Variants in MLEC observed in about 807,000 individuals in gnomAD.
The protein encoded by MLEC is malectin.
A neutral mutation model predicts 28.7 loss-of-function variants in MLEC; 7 were observed. The observed-to-expected ratio is 0.24, with a 90% CI of 0.14 to 0.46. The LOEUF (loss-of-function observed/expected upper bound fraction) is 0.46. Ranked by LOEUF, MLEC falls within the 20% of genes least tolerant of loss-of-function variation. The pLI, the probability that MLEC is intolerant of heterozygous loss-of-function variation, is 0.99. For missense variants in MLEC, 237 were observed against 391.1 expected (o/e 0.61, Z 3.32); for synonymous variants, 142 against 164.4 (o/e 0.86, Z 1.04).
intron 1 of MLEC, among the ~76,000 whole-genome samples, chr12:120,692,155 C>T (rs552452410): frequency 2.0e-5 from 3 of 152,062 alleles, no homozygotes; most frequent in South Asian, 2.1e-4. Flanking sequence ...AGCGAAACTC[C>T]GTCTCCAAAA....
At position 120,694,618 on chromosome 12, in the gene MLEC, A is replaced by G. The variant is rs1380765024; in HGVS notation, c.415-206A>G. On this transcript the variant is annotated intron_variant, in intron 2 of 4. Coordinates refer to ENST00000228506, the MANE Select transcript of MLEC (RefSeq NM_014730.4). The surrounding 1 kb of genome is among the most constrained non-coding windows in gnomAD (Gnocchi z 4.5). ...TTTTTGTTTGTATTCTTTGTTCCTT[A>G]AAGCCAATATAAGAACTCCTGGGCA... is the stretch of plus-strand genomic sequence containing the variant. Among the ~76,000 whole-genome samples, 2 of 152,046 alleles carry G rather than the reference A, an allele frequency of 1.3e-5. No homozygotes were observed. Among genetic ancestry groups the G allele is most frequent in the Non-Finnish European group, 2.9e-5 (2 of 67,996 alleles).
chr12:120,693,079 A>G (rs1013822598), intron 1 of MLEC, among the ~76,000 whole-genome samples: 1 of 152,240 alleles, frequency 6.6e-6, no homozygotes, highest in Non-Finnish European at 1.5e-5. Context: ...CAAGGTTGGG[A>G]GAGGGCCAGG....
Position 120,696,559 on chromosome 12 carries a change from T to C in MLEC, c.*14T>C, listed in dbSNP as rs374089930. The C allele has an allele frequency of 4.2e-4, 677 of 1,614,116 alleles. 8 individuals are homozygous for C. The South Asian group carries it at 6.9e-3, about 17-fold the overall frequency. On this transcript the variant is annotated 3_prime_UTR_variant, in exon 5 of 5. Coordinates refer to ENST00000228506, the MANE Select transcript of MLEC (RefSeq NM_014730.4). The surrounding 1 kb of genome is among the most constrained non-coding windows in gnomAD (Gnocchi z 5.4). ...TGCCGGTTGTGAGAACAAATGACTA[T>C]CCTGAACAGGGTGGAGGGGTGTGGG...
chr12:120,695,059 G>A (rs753476705), intron 3 of MLEC, 36 bp from the exon 4 acceptor site: 2 of 1,614,132 alleles, frequency 1.2e-6, no homozygotes, highest in Non-Finnish European at 1.7e-6. Flanking sequence ...GTTGTTTGCT[G>A]CTGTGTGGGG....
chr12:120,695,256 G>A lies in MLEC; in HGVS notation c.649+104G>A, dbSNP rs578127340. ...GATGACTATTTTGGAAACACTTAAA[G>A]CTAAATTGTAGGGGATTCAGAATCA... On this transcript the variant is annotated intron_variant, in intron 4 of 4. Coordinates refer to ENST00000228506, the MANE Select transcript of MLEC (RefSeq NM_014730.4). 14 of 1,254,468 alleles carry A rather than the reference G, an allele frequency of 1.1e-5. No individual in the cohort carries two copies. The African/African-American group carries it at 1.8e-4, about 16-fold the overall frequency. The allele number at this position is 1,254,468 out of a possible 1,614,324, so 77.7% of individuals were successfully genotyped here.
At position 120,699,683 on chromosome 12, in the gene MLEC, T is replaced by C. The variant is rs1219705031; in HGVS notation, c.*3138T>C. 1 of 152,382 alleles carries C rather than the reference T, an allele frequency of 6.6e-6. No individual in the cohort carries two copies. Among genetic ancestry groups the C allele is most frequent in the East Asian group, 1.9e-4 (1 of 5,188 alleles). The allele number at this position is 152,382 out of a possible 1,614,324, so 9.4% of individuals were successfully genotyped here. A position where few individuals can be genotyped will look rare whatever the true frequency, so the allele number is the denominator to read the frequency against. ...CCCCGAGTTCTCATGACTGGGAAGA[T>C]AGTTTTCTTCAGGTGTCAATGGCGT... On this transcript the variant is annotated 3_prime_UTR_variant, in exon 5 of 5. Coordinates refer to ENST00000228506, the MANE Select transcript of MLEC (RefSeq NM_014730.4).
Position 120,696,184 on chromosome 12 carries a change from G to C in MLEC, c.650-132G>C, listed in dbSNP as rs1463347671. The C allele has an allele frequency of 8.9e-7, 1 of 1,123,898 alleles. No individual in the cohort carries two copies. The highest frequency in any genetic ancestry group is 1.6e-5 in the African/African-American group (1 of 64,202). The allele number at this position is 1,123,898 out of a possible 1,614,324, so 69.6% of individuals were successfully genotyped here. ...GTTCTGTAGACCAGAGGCTATTTCT[G>C]CTACTTCTGGTCTTTTCTCTGGACC... On this transcript the variant is annotated intron_variant, in intron 4 of 4. Coordinates refer to ENST00000228506, the MANE Select transcript of MLEC (RefSeq NM_014730.4). The surrounding 1 kb of genome is among the most constrained non-coding windows in gnomAD (Gnocchi z 5.4).
chr12:120,694,101 T>C lies in MLEC; in HGVS notation c.246T>C (p.Tyr82=), dbSNP rs752996330. 12 of 1,613,770 alleles carry C rather than the reference T, an allele frequency of 7.4e-6. No individual in the cohort carries two copies. The South Asian group carries it at 1.3e-4, about 18-fold the overall frequency. ...LEGRVGRASD[Y]GMKLPILRSN... ...GTCTTTTGTCCTCAGCCTCAGACTA[T>C]GGCATGAAACTGCCAATCCTGCGTT... Residue 82 remains tyrosine, a synonymous_variant, in exon 2 of 5, where the codon TAT becomes TAC. Coordinates refer to ENST00000228506, the MANE Select transcript of MLEC (RefSeq NM_014730.4). The surrounding 1 kb of genome is among the most constrained non-coding windows in gnomAD (Gnocchi z 4.5).
chr12:120,695,233 T>C, intron 4 of MLEC, 81 bp downstream of exon 4: 9 of 1,496,982 alleles, frequency 6.0e-6, no homozygotes, highest in Non-Finnish European at 8.4e-6. Context: ...ATTGAGCTGA[T>C]GACTATTTTG....
At chr12:120,690,456 G>T (rs1005791440) in intron 1 of MLEC, among the ~76,000 whole-genome samples, 1 of 152,214 alleles carries the variant, frequency 6.6e-6, no homozygotes, top group Non-Finnish European at 1.5e-5. Context: ...TGCTAAAGTC[G>T]CAGGTCCTCG....
At chr12:120,689,544 A>G (rs10431384) in intron 1 of MLEC, among the ~76,000 whole-genome samples, 51,592 of 152,048 alleles carry the variant, frequency 0.34, 8,960 homozygotes, top group Middle Eastern at 0.41. Context: ...CATTGCGCTT[A>G]CCAGGTTCCT....
At chr12:120,690,751 T>G (rs1241240706) in intron 1 of MLEC, among the ~76,000 whole-genome samples, 1 of 152,150 alleles carries the variant, frequency 6.6e-6, no homozygotes, top group Non-Finnish European at 1.5e-5. Flanking sequence ...GGGGAAGGAT[T>G]TGGCTTTGGG....
chr12:120,691,009 A>G (rs1882016367), intron 1 of MLEC, among the ~76,000 whole-genome samples: 1 of 152,232 alleles, frequency 6.6e-6, no homozygotes, highest in Admixed American at 6.5e-5. Flanking sequence ...GAAGTGATCC[A>G]GAAGAACAGT....
Position 120,695,167 on chromosome 12 carries a change from G to C in MLEC, c.649+15G>C. 1 of 1,614,130 alleles carries C rather than the reference G, an allele frequency of 6.2e-7. No individual in the cohort carries two copies. The highest frequency in any genetic ancestry group is 1.1e-5 in the South Asian group (1 of 91,070). ...GACAGTGGATGGTAGGTTGTGTTCT[G>C]ACCTGCTTTTTTGACTTGAGTGGAG... On this transcript the variant is annotated intron_variant, in intron 4 of 4. Transcript: ENST00000228506.
chr12:120,693,016 T>A (rs1346007049), intron 1 of MLEC, among the ~76,000 whole-genome samples: 2 of 151,472 alleles, frequency 1.3e-5, no homozygotes, highest in African/African-American at 4.9e-5. Flanking sequence ...CGGTCAGGAG[T>A]TTAGTGTGTT....
At chr12:120,695,332 A>T (rs1566014355) in intron 4 of MLEC, among the ~76,000 whole-genome samples, 180 bp downstream of exon 4, 3 of 152,246 alleles carry the variant, frequency 2.0e-5, no homozygotes, top group Admixed American at 6.5e-5. Flanking sequence ...CTTTGGAGTC[A>T]GGTCTATGTA....
intron 1 of MLEC, among the ~76,000 whole-genome samples, chr12:120,693,590 G>T (rs890251432): frequency 6.6e-6 from 1 of 152,242 alleles, no homozygotes; most frequent in Non-Finnish European, 1.5e-5. Flanking sequence ...GGACAATGAA[G>T]AATGACTTTC....
Position 120,700,494 on chromosome 12 carries a change from T to C in MLEC, c.*3949T>C, listed in dbSNP as rs1468095945. On this transcript the variant is annotated 3_prime_UTR_variant, in exon 5 of 5. Transcript: ENST00000228506. The surrounding 1 kb of genome is among the most constrained non-coding windows in gnomAD (Gnocchi z 4.0). Reference sequence around the variant, plus strand: ...GATGGGTATGCTTTGGGCTTTCTCCTTCTGTGGCCCCGGAGGAAGGAGAGA... The same window carrying C: ...GATGGGTATGCTTTGGGCTTTCTCCCTCTGTGGCCCCGGAGGAAGGAGAGA... The C allele has an allele frequency of 6.6e-6, 1 of 152,262 alleles. No individual in the cohort carries two copies. Among genetic ancestry groups the C allele is most frequent in the African/African-American group, 2.4e-5 (1 of 41,424 alleles). 9.4% of individuals were successfully genotyped at this position (152,262 alleles called of 1,614,324 possible).
chr12:120,695,191 A>G (rs1055217901), intron 4 of MLEC, 39 bp downstream of exon 4: 43 of 1,610,872 alleles, frequency 2.7e-5, no homozygotes, highest in Non-Finnish European at 3.6e-5. Context: ...ACTTGAGTGG[A>G]GGGATATGGT....
Sources: allele counts gnomAD v4.1 joint callset (sites outside exome capture counted in the v4.1 genomes callset), GRCh38; gene constraint gnomAD v4.1.1; non-coding constraint Gnocchi (gnomAD v3.1); transcripts MANE v1.5; gene names NCBI Gene and HGNC (gene_info 2026-07-23, HGNC 2026-07-21).